ARAP3: variants seen among roughly 807,000 people sequenced by gnomAD.
ARAP3 encodes the protein arf-GAP with Rho-GAP domain, ANK repeat and PH domain-containing protein 3.
A neutral mutation model predicts 169.2 loss-of-function variants in ARAP3; 82 were observed. The observed-to-expected ratio is 0.48, with a 90% confidence interval of 0.41 to 0.58. The LOEUF (loss-of-function observed/expected upper bound fraction) is 0.58, where lower values mean the gene tolerates loss of function less well. ARAP3 is among the 20% of genes least tolerant of loss of function. The pLI is 0.00. For missense variants in ARAP3, 1,764 were observed against 2,018.0 expected, an observed-to-expected ratio of 0.87 and a Z score of 2.41; for synonymous variants, 791 against 800.3, an observed-to-expected ratio of 0.99 and a Z score of 0.20.
intron 4 of ARAP3, among the ~76,000 whole-genome samples, chr5:141,675,460 C>G (rs543443072): frequency 2.0e-5 from 3 of 152,104 alleles, no homozygotes; most frequent in African/African-American, 7.2e-5. Context: ...GTGGCTTATA[C>G]CTGTAATCCC....
Position 141,672,849 on chromosome 5 carries a change from G to T in ARAP3, c.1170C>A (p.Pro390=), listed in dbSNP as rs1057371. 0.084 allele frequency: 135,016 copies of T among 1,606,496 alleles called. 6,003 individuals carry two copies. Among genetic ancestry groups the T allele is most frequent in the South Asian group, 0.13 (11,542 of 90,418 alleles). Reference sequence around the variant, plus strand: ...CCGTGCGGAGGGGTCGGGGTGGTTGGGGGGGCCGGGGGTGGCCCAGGAGGC... The same window carrying T: ...CCGTGCGGAGGGGTCGGGGTGGTTGTGGGGGCCGGGGGTGGCCCAGGAGGC... ...EQRLLGHPRP[P]QPPRPLRTGM... is the part of the protein sequence containing the mutation. Residue 390 remains proline (P), a synonymous_variant, in exon 8 of 33, where the codon CCC becomes CCA. Coordinates refer to ENST00000239440, the MANE Select transcript of ARAP3 (RefSeq NM_022481.6). This position sits in a 1 kb window ranked among gnomAD's most constrained non-coding sequence, Gnocchi z 4.9.
At chr5:141,678,719 C>T (rs1181482438) in intron 4 of ARAP3, among the ~76,000 whole-genome samples, 1 of 151,782 alleles carries the variant, frequency 6.6e-6, no homozygotes, top group East Asian at 2.0e-4. Flanking sequence ...AACTCCTGAC[C>T]TCAGGTGATC....
intron 16 of ARAP3, among the ~76,000 whole-genome samples, chr5:141,668,642 C>T (rs1217038987): frequency 6.6e-6 from 1 of 152,040 alleles, no homozygotes; most frequent in Non-Finnish European, 1.5e-5. Flanking sequence ...GGGAGGGCCA[C>T]GACAGAGCCC....
At chr5:141,659,593 G>C (rs2306338) in intron 22 of ARAP3, 117 bp from the exon 23 acceptor site, 7 of 1,339,574 alleles carry the variant, frequency 5.2e-6, no homozygotes, top group African/African-American at 4.3e-5. Flanking sequence ...AAGAACCAAG[G>C]GGGTGAGGAT....
intron 32 of ARAP3, 138 bp downstream of exon 32, chr5:141,655,224 C>T (rs866132156): frequency 2.3e-6 from 1 of 430,360 alleles, no homozygotes; most frequent in Non-Finnish European, 3.7e-6. Flanking sequence ...CCCTGATGGC[C>T]TACACACACA....
In ARAP3 at chr5:141,671,173, G is replaced by C; in HGVS notation, c.1990+92C>G. 1 of 1,494,768 alleles carries C rather than the reference G, an allele frequency of 6.7e-7. No individual in the cohort carries two copies. Among genetic ancestry groups the C allele is most frequent in the Middle Eastern group, 1.8e-4 (1 of 5,546 alleles). The allele number at this position is 1,494,768 out of a possible 1,614,324, so 92.6% of individuals were successfully genotyped here. ...GAAACTGCCCAGGCTGGGCCATTGTGATCAGCTAATTGGGGCCCCTTGGAA... is the reference window on the plus strand; with the variant it reads ...GAAACTGCCCAGGCTGGGCCATTGTCATCAGCTAATTGGGGCCCCTTGGAA... On this transcript the variant is annotated intron_variant, in intron 13 of 32. Transcript: ENST00000239440. This position sits in a 1 kb window ranked among gnomAD's most constrained non-coding sequence, Gnocchi z 4.9.
In ARAP3 at chr5:141,679,791, T is replaced by C; in HGVS notation, c.556A>G (p.Thr186Ala). Residue 186 changes from threonine to alanine, a missense_variant, in exon 3 of 33, where the codon ACC (threonine) becomes GCC (alanine). Transcript: ENST00000239440. ...APDSSQISAP[T>A]PALRPTTGTV... is the part of the protein sequence containing the mutation. ...CCTGTTGTGGGCCTGAGGGCAGGGG[T>C]GGGGGCAGAGATTTGGGAGCTGTCT... 1 of 1,613,310 alleles carries C rather than the reference T, an allele frequency of 6.2e-7. No homozygotes were observed. Among genetic ancestry groups the C allele is most frequent in the Non-Finnish European group, 8.5e-7 (1 of 1,179,796 alleles).
chr5:141,656,444 C>T, intron 27 of ARAP3, 60 bp downstream of exon 27: 2 of 1,586,588 alleles, frequency 1.3e-6, no homozygotes, highest in South Asian at 1.1e-5. Flanking sequence ...AGGGTGGGTG[C>T]AGTCATGGCT....
Position 141,672,102 on chromosome 5 carries a change from C to A in ARAP3, c.1585G>T (p.Gly529Cys). 6.2e-7 allele frequency: 1 copy of A among 1,614,188 alleles called. No homozygotes were observed. The highest frequency in any genetic ancestry group is 8.5e-7 in the Non-Finnish European group (1 of 1,180,018). The change falls in exon 10 of 33, where the codon GGT (glycine) becomes TGT (cysteine). Residue 529 changes from glycine to cysteine, a missense_variant and splice_region_variant. Physicochemically the swap from Gly to Cys is radical, Grantham distance 159 (BLOSUM62 -3). Around this residue, in one of 3 missense-constraint regions of ARAP3, gnomAD observed 22 missense variants for 53.6 expected, o/e 0.41. Transcript: ENST00000239440. This position sits in a 1 kb window ranked among gnomAD's most constrained non-coding sequence, Gnocchi z 4.9. ...ACATGGGCTTGAGGCCATTCCTCACCTGCACACTGCTTGCAGATGACCACC... is the reference window on the plus strand; with the variant it reads ...ACATGGGCTTGAGGCCATTCCTCACATGCACACTGCTTGCAGATGACCACC... ...LGVVICKQCA[G>C]QHRALGSGIS...
At chr5:141,656,686 T>TG (rs2099909306) in intron 26 of ARAP3, 32 bp downstream of exon 26, 5 of 1,612,892 alleles carry the variant, frequency 3.1e-6, no homozygotes, top group Non-Finnish European at 4.2e-6. Flanking sequence ...GGGAGAGACC[T>TG]GGGGGATGCT....
Position 141,671,303 on chromosome 5 carries a change from G to A in ARAP3, c.1952C>T (p.Pro651Leu), listed in dbSNP as rs1261481164. The A allele has an allele frequency of 6.2e-7, 1 of 1,613,010 alleles. No individual in the cohort carries two copies. Among genetic ancestry groups the A allele is most frequent in the South Asian group, 1.1e-5 (1 of 90,886 alleles). The change falls in exon 13 of 33, where the codon CCA becomes CTA. Residue 651 changes from proline (P) to leucine (L), a missense_variant. This residue lies in a region of ARAP3 where 1,112 missense variants were observed against 1,285.7 expected (regional missense o/e 0.86). Coordinates refer to ENST00000239440, the MANE Select transcript of ARAP3 (RefSeq NM_022481.6). The surrounding 1 kb of genome is among the most constrained non-coding windows in gnomAD (Gnocchi z 4.9). ...GCCAGGGCAGCTGCCATCAGGGGCT[G>A]GGGGGAACCAGGGCTCCTCGCCTTC... The part of the protein sequence containing the change: ...AFEGEEPWFP[P>L]APDGSCPGLL...
At chr5:141,659,233 C>G (rs965982475) in intron 23 of ARAP3, among the ~76,000 whole-genome samples, 175 bp downstream of exon 23, 8 of 152,168 alleles carry the variant, frequency 5.3e-5, no homozygotes, top group African/African-American at 1.9e-4. Context: ...CAAACCCTAA[C>G]CAAACCCCAC....
chr5:141,679,771 T>C lies in ARAP3; in HGVS notation c.576A>G (p.Thr192=), dbSNP rs2099912723. The change falls in exon 3 of 33, where the codon ACA becomes ACG. Residue 192 remains threonine (T), a synonymous_variant. Coordinates refer to ENST00000239440, the MANE Select transcript of ARAP3 (RefSeq NM_022481.6). ...TGATAACCCAGTTACCTGTGCCTGT[T>C]GTGGGCCTGAGGGCAGGGGTGGGGG... ...ISAPTPALRP[T]TGTVHIMDPG... The C allele has an allele frequency of 1.2e-6, 2 of 1,614,060 alleles. No homozygotes were observed. The highest frequency in any genetic ancestry group is 1.7e-6 in the Non-Finnish European group (2 of 1,179,996).
Position 141,666,527 on chromosome 5 carries a change from C to A in ARAP3, c.2469G>T (p.Gly823=). ...GGTGGTCACCACGAAGGAGGCCAAA[C>A]CCTGACAGCCAGAGACCAGGGGCCG... is the stretch of plus-strand genomic sequence containing the variant. ...TAPAPGLWLS[G]FGLLRGDHLF... is the part of the protein sequence containing the mutation. Residue 823 remains glycine, a synonymous_variant, in exon 17 of 33, where the codon GGG becomes GGT. Transcript: ENST00000239440. The A allele has an allele frequency of 6.2e-7, 1 of 1,602,548 alleles. No individual in the cohort carries two copies. Among genetic ancestry groups the A allele is most frequent in the Non-Finnish European group, 8.5e-7 (1 of 1,174,806 alleles).
chr5:141,673,329 CTTCCAA>C, intron 6 of ARAP3, 66 bp downstream of exon 6: 1 of 1,598,204 alleles, frequency 6.3e-7, no homozygotes, highest in Non-Finnish European at 8.6e-7. Context: ...GACTTCCCTC[CTTCCAA>C]TTCTGAGCCC....
At position 141,662,142 on chromosome 5, in the gene ARAP3, A is replaced by C. The variant is rs748635514; in HGVS notation, c.2914T>G (p.Phe972Val). 1.9e-6 allele frequency: 3 copies of C among 1,614,178 alleles called. No individual in the cohort carries two copies. The East Asian group carries it at 6.7e-5, about 36-fold the overall frequency. Reference sequence around the variant, plus strand: ...AGTGTGTCAGTGACATCCTCCACAAAGTGCTCCCCTGGTCGGAGCTTCACC... The same window carrying C: ...AGTGTGTCAGTGACATCCTCCACAACGTGCTCCCCTGGTCGGAGCTTCACC... ...RSVKLRPGEH[F>V]VEDVTDTLKR... The change falls in exon 20 of 33, where the codon TTT (phenylalanine) becomes GTT (valine). Residue 972 changes from phenylalanine (F) to valine (V), a missense_variant. Phe to Val is a conservative substitution (Grantham distance 50, BLOSUM62 -1). This residue lies in a region of ARAP3 where 1,112 missense variants were observed against 1,285.7 expected (regional missense o/e 0.86). Transcript: ENST00000239440.
Position 141,673,129 on chromosome 5 carries a change from G to C in ARAP3, c.977C>G (p.Pro326Arg). Residue 326 changes from proline to arginine, a missense_variant, in exon 7 of 33, where the codon CCC (proline) becomes CGC (arginine). Physicochemically the swap from Pro to Arg is moderately radical, Grantham distance 103 (BLOSUM62 -2). Coordinates refer to ENST00000239440, the MANE Select transcript of ARAP3 (RefSeq NM_022481.6). ...SLMYFGSDKD[P>R]FPKGVIPLTA... ...CAAAGGTATCACACCCTTAGGGAAG[G>C]GGTCCTGGAGAGAGAGAGCTCAATG... 6.2e-7 allele frequency: 1 copy of C among 1,614,178 alleles called. No homozygotes were observed. The highest frequency in any genetic ancestry group is 8.5e-7 in the Non-Finnish European group (1 of 1,180,022).
intron 4 of ARAP3, among the ~76,000 whole-genome samples, chr5:141,676,899 C>T (rs1329704358): frequency 6.6e-6 from 1 of 152,130 alleles, no homozygotes; most frequent in Non-Finnish European, 1.5e-5. Context: ...CTATTTTCAC[C>T]TCTTCTTGGA....
chr5:141,678,581 C>G (rs80231409), intron 4 of ARAP3, among the ~76,000 whole-genome samples: 5,805 of 151,938 alleles, frequency 0.038, 366 homozygotes, highest in African/African-American at 0.13. Flanking sequence ...TCCACCTCTC[C>G]GGTTCAAGCA....
Sources: gnomAD v4.1 joint callset for allele counts (sites outside exome capture counted in the v4.1 genomes callset) on GRCh38, gnomAD v4.1.1 for gene constraint, gnomAD v4.1.1 regional missense constraint, Gnocchi (gnomAD v3.1) non-coding constraint, MANE v1.5 for transcripts, NCBI Gene and HGNC (gene_info 2026-07-23, HGNC 2026-07-21) for gene names.